PRIM2: variants seen among roughly 807,000 people sequenced by gnomAD.
PRIM2 encodes DNA primase large subunit.
Under a neutral mutation model 67.3 loss-of-function variants are expected in PRIM2, and 39 were observed. The observed-to-expected ratio is 0.58, with a 90% CI of 0.45 to 0.76. The LOEUF (loss-of-function observed/expected upper bound fraction) is 0.76. Ranked by LOEUF, PRIM2 falls within the 30% of genes least tolerant of loss-of-function variation. The pLI is 0.00. For synonymous variants in PRIM2, 143 were observed against 198.7 expected, an observed-to-expected ratio of 0.72 and a Z score of 2.36; for missense variants, 398 against 598.7, an observed-to-expected ratio of 0.66 and a Z score of 3.50.
At position 57,602,987 on chromosome 6, in the gene PRIM2, A is replaced by G. The variant is rs1489477340; in HGVS notation, c.1147+1768A>G. Among the ~76,000 whole-genome samples the G allele has an allele frequency of 3.3e-5, 5 of 152,312 alleles. 1 individual carries two copies. In the South Asian group the frequency reaches 8.3e-4, roughly 25 times the overall value. On this transcript the variant is annotated intron_variant, in intron 11 of 13. Transcript: ENST00000615550. The stretch of plus-strand genomic sequence containing the variant: ...ACACCACACTGGTACATGTGTTACA[A>G]TTGATGAACCTACATTGACAAATCC...
intron 10 of PRIM2, among the ~76,000 whole-genome samples, chr6:57,579,766 T>A (rs1227033288): frequency 1.3e-5 from 2 of 152,072 alleles, no homozygotes; most frequent in African/African-American, 4.8e-5. Flanking sequence ...TAAGTTGTCC[T>A]GACACAGAAA....
intron 10 of PRIM2, among the ~76,000 whole-genome samples, chr6:57,542,939 A>ATTTTTTTTTTTTTTTTTTTTCTTTT (rs1193756482): frequency 1.4e-5 from 1 of 71,930 alleles, no homozygotes; most frequent in Non-Finnish European, 2.6e-5. Flanking sequence ...TGCTTATAGG[A>ATTTTTTTTTTTTTTTTTTTTCTTTT]TTTTTTTTTT....
chr6:57,258,610 C>A, the PRIM2 span, among the ~76,000 whole-genome samples: 10 of 139,834 alleles, frequency 7.2e-5, no homozygotes, highest in South Asian at 1.8e-3. Flanking sequence ...CCACTGCAGG[C>A]CATTCTTGAC....
intron 7 of PRIM2, chr6:57,382,391 C>G (rs1233944715): frequency 2.6e-6 from 1 of 385,848 alleles, no homozygotes; most frequent in Non-Finnish European, 4.6e-6. Flanking sequence ...CTACTAATAC[C>G]AATGCTGAGT....
At chr6:57,286,248 A>G in the PRIM2 span, among the ~76,000 whole-genome samples, 1 of 152,200 alleles carries the variant, frequency 6.6e-6, no homozygotes, top group Non-Finnish European at 1.5e-5. Context: ...GCAGAACTAG[A>G]AAAAACTACT....
At chr6:57,383,124 T>A (rs6459206) in intron 7 of PRIM2, 1 of 152,190 alleles carries the variant, frequency 6.6e-6, no homozygotes, top group Non-Finnish European at 1.5e-5. Context: ...CTCATGAAAG[T>A]TGATGCTTTT....
At chr6:57,600,310 T>C (rs1776439952) in intron 10 of PRIM2, among the ~76,000 whole-genome samples, 1 of 150,542 alleles carries the variant, frequency 6.6e-6, no homozygotes, top group South Asian at 2.1e-4. Flanking sequence ...GCTGACTACT[T>C]TGTATAGTGG....
intron 7 of PRIM2, among the ~76,000 whole-genome samples, chr6:57,461,403 A>T (rs1272045793): frequency 2.0e-5 from 3 of 152,230 alleles, no homozygotes; most frequent in Non-Finnish European, 4.4e-5. Context: ...GTACTAAATC[A>T]TCCTCGCTCT....
intron 8 of PRIM2, among the ~76,000 whole-genome samples, chr6:57,525,921 G>C (rs1264617874): frequency 1.3e-5 from 2 of 152,316 alleles, no homozygotes; most frequent in Middle Eastern, 3.4e-3. Flanking sequence ...AGGGATTCCT[G>C]AAGGTGTGTG....
chr6:57,543,183 C>T (rs1775212221), intron 10 of PRIM2, among the ~76,000 whole-genome samples: 1 of 151,640 alleles, frequency 6.6e-6, no homozygotes, highest in Admixed American at 6.6e-5. Flanking sequence ...TCGTGATCCG[C>T]CCGCCTCGGC....
At chr6:57,257,475 TG>T in the PRIM2 span, among the ~76,000 whole-genome samples, 1 of 152,208 alleles carries the variant, frequency 6.6e-6, no homozygotes, top group Non-Finnish European at 1.5e-5. Flanking sequence ...TTCTCCATGT[TG>T]GTCAGGCTGG....
At chr6:57,261,523 C>T in the PRIM2 span, among the ~76,000 whole-genome samples, 24 of 152,268 alleles carry the variant, frequency 1.6e-4, no homozygotes, top group Admixed American at 8.5e-4. Flanking sequence ...CAGGGTAGAG[C>T]GGGGACAGGG....
chr6:57,373,579 G>C (rs1218209848), intron 5 of PRIM2, among the ~76,000 whole-genome samples: 1 of 152,014 alleles, frequency 6.6e-6, no homozygotes, highest in Non-Finnish European at 1.5e-5. Context: ...CATAGTTTTA[G>C]GTTTTACATT....
intron 12 of PRIM2, among the ~76,000 whole-genome samples, chr6:57,616,305 T>C (rs1776756159): frequency 6.6e-6 from 1 of 152,228 alleles, no homozygotes; most frequent in Non-Finnish European, 1.5e-5. Flanking sequence ...ATGAGAAAGC[T>C]GAGGTTTGGA....
intron 8 of PRIM2, among the ~76,000 whole-genome samples, chr6:57,521,381 T>TTTTG (rs1774619749): frequency 6.8e-6 from 1 of 147,830 alleles, no homozygotes; most frequent in Non-Finnish European, 1.5e-5. Flanking sequence ...TTTTTTTTTT[T>TTTTG]TTTTTTTTTT....
intron 7 of PRIM2, among the ~76,000 whole-genome samples, chr6:57,394,310 A>G (rs1234119313): frequency 2.0e-5 from 3 of 152,078 alleles, no homozygotes; most frequent in Non-Finnish European, 4.4e-5. Context: ...ATGTGTTTCC[A>G]TTTGTTTGTG....
the PRIM2 span, among the ~76,000 whole-genome samples, chr6:57,246,918 G>C: frequency 2.0e-5 from 3 of 150,848 alleles, no homozygotes; most frequent in African/African-American, 7.3e-5. Context: ...GCGGTGGCGC[G>C]ATCTCAGCTC....
chr6:57,458,158 T>G (rs9475985), intron 7 of PRIM2, among the ~76,000 whole-genome samples: 2 of 152,250 alleles, frequency 1.3e-5, no homozygotes, highest in South Asian at 4.1e-4. Flanking sequence ...TTCATGCTAC[T>G]TGTGCATCGT....
intron 10 of PRIM2, among the ~76,000 whole-genome samples, chr6:57,579,269 A>G (rs1473213701): frequency 6.6e-6 from 1 of 152,078 alleles, no homozygotes; most frequent in African/African-American, 2.4e-5. Context: ...AAAAGAAACA[A>G]ACCCTCGCCT....
Sources: allele counts gnomAD v4.1 joint callset (sites outside exome capture counted in the v4.1 genomes callset), GRCh38; gene constraint gnomAD v4.1.1; transcripts MANE v1.5; gene names NCBI Gene and HGNC (gene_info 2026-07-23, HGNC 2026-07-21).